The following SLC23A2 variants were observed in gnomAD, a reference collection of about 807,000 sequenced individuals.
SLC23A2 encodes the protein solute carrier family 23 member 2, also known as Na(+)/L-ascorbic acid transporter 2.
In SLC23A2, 36 loss-of-function variants were observed where a neutral mutation model predicts 73.3. The observed-to-expected ratio is 0.49, with a 90% confidence interval of 0.38 to 0.65. The LOEUF (loss-of-function observed/expected upper bound fraction) is 0.65. Ranked by LOEUF, SLC23A2 falls within the 30% of genes least tolerant of loss-of-function variation. The pLI, the probability that SLC23A2 is intolerant of heterozygous loss-of-function variation, is 0.00. For synonymous variants in SLC23A2, 343 were observed against 327.3 expected (o/e 1.05, Z -0.52); for missense variants, 507 against 841.6 (o/e 0.60, Z 4.92).
chr20:4,936,618 A>T (rs772753693), intron 2 of SLC23A2, among the ~76,000 whole-genome samples: 5 of 152,270 alleles, frequency 3.3e-5, no homozygotes, highest in Admixed American at 6.5e-5. Context: ...TTAAAGCAGA[A>T]TAAATTTACT....
chr20:4,931,043 C>T (rs2000248), intron 3 of SLC23A2, among the ~76,000 whole-genome samples: 32 of 76,808 alleles, frequency 4.2e-4, no homozygotes, highest in Admixed American at 1.9e-3. Flanking sequence ...ATATATTTTT[C>T]TTAAAATAAC....
intron 2 of SLC23A2, among the ~76,000 whole-genome samples, chr20:4,956,753 C>T (rs539319346): frequency 2.0e-5 from 3 of 151,102 alleles, no homozygotes; most frequent in East Asian, 3.9e-4. Context: ...CCTTAGCCAA[C>T]GGATATGGGT....
chr20:4,991,155 T>C (rs1026093983), intron 1 of SLC23A2, among the ~76,000 whole-genome samples: 1 of 152,058 alleles, frequency 6.6e-6, no homozygotes, highest in Admixed American at 6.6e-5. Context: ...TTGCCCAGGC[T>C]GGAGTGCGGT....
In SLC23A2 at chr20:4,861,899, C is replaced by T. The variant is rs72552216; in HGVS notation, c.1624+49G>A. The T allele has an allele frequency of 4.8e-3, 7,698 of 1,599,854 alleles. 297 individuals carry two copies. The African/African-American group carries it at 0.088, about 18-fold the overall frequency. On this transcript the variant is annotated intron_variant, in intron 15 of 16. Transcript: ENST00000338244. ...GGGCAAAGAGCTGCGTGTGGACTGG[C>T]GGCTGTGGTTCCAGCTCCCACTCCA... is the stretch of plus-strand genomic sequence containing the variant.
chr20:4,936,525 C>T (rs2086964274), intron 2 of SLC23A2, among the ~76,000 whole-genome samples: 2 of 152,088 alleles, frequency 1.3e-5, no homozygotes, highest in African/African-American at 2.4e-5. Flanking sequence ...TGGCCTCAAG[C>T]GATCATCCTG....
intron 1 of SLC23A2, among the ~76,000 whole-genome samples, chr20:4,994,946 GAAAA>G (rs2087994645): frequency 6.6e-6 from 1 of 150,876 alleles, no homozygotes; most frequent in Non-Finnish European, 1.5e-5. Flanking sequence ...AAAAAAAAAA[GAAAA>G]AAGAAAGAAA....
chr20:4,989,152 T>C (rs2087882542), intron 1 of SLC23A2, among the ~76,000 whole-genome samples: 1 of 148,948 alleles, frequency 6.7e-6, no homozygotes, highest in South Asian at 2.1e-4. Context: ...GGCAGGAGAA[T>C]CACTTGAACC....
At position 4,874,624 on chromosome 20, in the gene SLC23A2, G is replaced by T. The variant is rs572200130; in HGVS notation, c.897C>A (p.Ser299=). 6.2e-7 allele frequency: 1 copy of T among 1,612,546 alleles called. No individual in the cohort carries two copies. The highest frequency in any genetic ancestry group is 1.1e-5 in the South Asian group (1 of 90,878). The change falls in exon 10 of 17, where the codon TCC becomes TCA. Residue 299 remains serine, a synonymous_variant. Transcript: ENST00000338244. ...ACTTGTACGCAGTCCATCCTTTCTT[G>T]GATTTATAAATCGGGAGAGGAAATT... ...NVKFPLPIYK[S]KKGWTAYKLQ...
intron 6 of SLC23A2, among the ~76,000 whole-genome samples, chr20:4,897,583 G>A (rs539169299): frequency 5.9e-5 from 9 of 152,260 alleles, no homozygotes; most frequent in African/African-American, 1.4e-4. Flanking sequence ...TTCTTACTCC[G>A]CTCAAACTGC....
chr20:4,979,096 C>T (rs747117047), intron 1 of SLC23A2, among the ~76,000 whole-genome samples: 2 of 152,062 alleles, frequency 1.3e-5, no homozygotes, highest in Non-Finnish European at 2.9e-5. Flanking sequence ...AGTTCGAGAC[C>T]AGCCTGGCCA....
chr20:4,878,652 T>A (rs1157447618), intron 9 of SLC23A2, among the ~76,000 whole-genome samples: 2 of 152,250 alleles, frequency 1.3e-5, no homozygotes, highest in African/African-American at 4.8e-5. Context: ...TATATTTAAG[T>A]CTTTAATTCA....
chr20:4,975,656 C>T (rs532391724), intron 1 of SLC23A2, among the ~76,000 whole-genome samples: 6 of 151,000 alleles, frequency 4.0e-5, no homozygotes, highest in Non-Finnish European at 7.4e-5. Context: ...GCTGGGATTA[C>T]GGGCGTGAGC....
intron 5 of SLC23A2, among the ~76,000 whole-genome samples, chr20:4,900,469 A>G (rs2122869214): frequency 6.6e-6 from 1 of 152,234 alleles, no homozygotes; most frequent in East Asian, 1.9e-4. Flanking sequence ...TTCTTCTGGG[A>G]TTTGATTTGC....
chr20:5,009,357 C>T (rs1165795977), intron 1 of SLC23A2, among the ~76,000 whole-genome samples: 2 of 152,168 alleles, frequency 1.3e-5, no homozygotes, highest in Non-Finnish European at 2.9e-5. Context: ...TCCTTAATGT[C>T]CTCTGGATCA....
Position 4,899,743 on chromosome 20 carries a change from C to G in SLC23A2, c.325-31G>C. On this transcript the variant is annotated intron_variant, in intron 5 of 16. Coordinates refer to ENST00000338244, the MANE Select transcript of SLC23A2 (RefSeq NM_005116.6). This position sits in a 1 kb window ranked among gnomAD's most constrained non-coding sequence, Gnocchi z 4.9. ...GGCAGGAAAAGGGTCAGAGGAGAAA[C>G]AGTAAACCCTTCCTCATTTATTCTT... 2.5e-6 allele frequency: 4 copies of G among 1,602,926 alleles called. No homozygotes were observed. Among genetic ancestry groups the G allele is most frequent in the Non-Finnish European group, 3.4e-6 (4 of 1,171,114 alleles).
intron 1 of SLC23A2, among the ~76,000 whole-genome samples, chr20:4,996,513 C>T (rs2088022484): frequency 6.6e-6 from 1 of 151,796 alleles, no homozygotes; most frequent in South Asian, 2.1e-4. Context: ...TGGTGAAACA[C>T]CATCTCTACT....
chr20:4,915,713 C>T (rs1315905709), intron 3 of SLC23A2, among the ~76,000 whole-genome samples: 1 of 152,070 alleles, frequency 6.6e-6, no homozygotes, highest in Non-Finnish European at 1.5e-5. Flanking sequence ...TTTGGGAGGC[C>T]GTGGCAGGCA....
At position 4,856,115 on chromosome 20, in the gene SLC23A2, A is replaced by C. The variant is rs930922982; in HGVS notation, c.*857T>G. On this transcript the variant is annotated 3_prime_UTR_variant, in exon 17 of 17. Coordinates refer to ENST00000338244, the MANE Select transcript of SLC23A2 (RefSeq NM_005116.6). This position sits in a 1 kb window ranked among gnomAD's most constrained non-coding sequence, Gnocchi z 4.6. ...AGACGCGCGCGACAATAACATCCAC[A>C]TGACGGCAGAGCCAAGACGCCCATC... The C allele has an allele frequency of 6.6e-6, 1 of 152,280 alleles. No individual in the cohort carries two copies. The highest frequency in any genetic ancestry group is 2.4e-5 in the African/African-American group (1 of 41,438). 9.4% of individuals were successfully genotyped at this position (152,280 alleles called of 1,614,324 possible).
intron 1 of SLC23A2, among the ~76,000 whole-genome samples, chr20:4,971,756 C>T (rs367861951): frequency 7.9e-5 from 12 of 152,162 alleles, no homozygotes; most frequent in Admixed American, 2.6e-4. Flanking sequence ...CACTGCAGTC[C>T]TACTTGGGCA....
Sources: gnomAD v4.1 joint callset for allele counts (sites outside exome capture counted in the v4.1 genomes callset) on GRCh38, gnomAD v4.1.1 for gene constraint, Gnocchi (gnomAD v3.1) non-coding constraint, MANE v1.5 for transcripts, NCBI Gene and HGNC (gene_info 2026-07-23, HGNC 2026-07-21) for gene names.